Variants in SH3GL3 observed in about 807,000 individuals in gnomAD.
SH3GL3 encodes the protein endophilin-A3.
SH3GL3 carries 33 observed loss-of-function variants against 47.7 expected under a neutral mutation model. The observed-to-expected ratio is 0.69, with a 90% CI of 0.52 to 0.92. SH3GL3 has a LOEUF of 0.92. Among genes scored for constraint, SH3GL3 ranks in the 40% least tolerant of loss-of-function variants. The probability of loss-of-function intolerance (pLI) is 0.00; values close to 1 mark genes in which losing one functional copy is unlikely to be tolerated. For missense variants in SH3GL3, 363 were observed against 417.8 expected (o/e 0.87, Z 1.14); for synonymous variants, 155 against 148.8 (o/e 1.04, Z -0.30).
chr15:83,517,118 G>T (rs1380830559), intron 1 of SH3GL3, among the ~76,000 whole-genome samples: 1 of 151,790 alleles, frequency 6.6e-6, no homozygotes, highest in Non-Finnish European at 1.5e-5. Context: ...TCTAAAAATA[G>T]AATTGATGTG....
intron 7 of SH3GL3, among the ~76,000 whole-genome samples, chr15:83,588,383 C>T (rs2151806788): frequency 6.6e-6 from 1 of 152,312 alleles, no homozygotes; most frequent in Non-Finnish European, 1.5e-5. Context: ...ACCTTGGCCT[C>T]CCAAAGTGCT....
intron 1 of SH3GL3, among the ~76,000 whole-genome samples, chr15:83,537,275 A>G (rs1041754859): frequency 1.3e-4 from 20 of 152,180 alleles, no homozygotes; most frequent in African/African-American, 4.8e-4. Flanking sequence ...TGGGGCCATC[A>G]GCAAAGTCCA....
At chr15:83,450,296 AT>A (rs1378496403) in intron 1 of SH3GL3, among the ~76,000 whole-genome samples, 1 of 152,260 alleles carries the variant, frequency 6.6e-6, no homozygotes, top group East Asian at 1.9e-4. Flanking sequence ...TGATACGAAT[AT>A]GTCTCTGTGT....
intron 1 of SH3GL3, among the ~76,000 whole-genome samples, chr15:83,497,511 CTCTTA>C (rs1001998610): frequency 1.3e-5 from 2 of 152,106 alleles, no homozygotes; most frequent in African/African-American, 4.8e-5. Context: ...ATTTTTTTGT[CTCTTA>C]TCTTTATTCC....
At chr15:83,500,687 C>G (rs1203242085) in intron 1 of SH3GL3, among the ~76,000 whole-genome samples, 2 of 152,210 alleles carry the variant, frequency 1.3e-5, no homozygotes, top group Non-Finnish European at 2.9e-5. Context: ...CCCTTCCTTT[C>G]TCCCTTCCAG....
At chr15:83,622,325 T>C (rs1222979742), downstream of SH3GL3, among the ~76,000 whole-genome samples, 3 of 152,224 alleles carry the variant, frequency 2.0e-5, no homozygotes, top group East Asian at 3.8e-4. Flanking sequence ...TGTTCATGTA[T>C]ATTCACAAAG....
intron 6 of SH3GL3, among the ~76,000 whole-genome samples, chr15:83,584,182 A>G (rs548824963): frequency 1.3e-4 from 20 of 152,248 alleles, no homozygotes; most frequent in African/African-American, 4.8e-4. Context: ...TTCTTGGCTC[A>G]TTCTTCGCTT....
chr15:83,448,188 C>T lies in SH3GL3; in HGVS notation c.45+610C>T, dbSNP rs952951338. Among the ~76,000 whole-genome samples the T allele has an allele frequency of 6.6e-6, 1 of 152,218 alleles. No homozygotes were observed. Among genetic ancestry groups the T allele is most frequent in the African/African-American group, 2.4e-5 (1 of 41,454 alleles). ...CGGCCCGGGGCTGGGCATCACGCTT[C>T]TGCTCTTACAGAGCTGACAGCCTGC... On this transcript the variant is annotated intron_variant, in intron 1 of 8. Coordinates refer to ENST00000427482, the MANE Select transcript of SH3GL3 (RefSeq NM_003027.5). The surrounding 1 kb of genome is among the most constrained non-coding windows in gnomAD (Gnocchi z 4.2).
At chr15:83,541,925 T>C (rs190104386) in intron 1 of SH3GL3, among the ~76,000 whole-genome samples, 1 of 152,356 alleles carries the variant, frequency 6.6e-6, no homozygotes, top group African/African-American at 2.4e-5. Flanking sequence ...GTCTTTTGAC[T>C]TTGTTGATGT....
chr15:83,558,318 C>T (rs2045065812), intron 1 of SH3GL3, among the ~76,000 whole-genome samples: 1 of 152,096 alleles, frequency 6.6e-6, no homozygotes, highest in Admixed American at 6.5e-5. Context: ...TTTGAGAATC[C>T]CTGTGCTCTG....
intron 1 of SH3GL3, among the ~76,000 whole-genome samples, chr15:83,541,460 A>T (rs2044165345): frequency 6.6e-6 from 1 of 150,684 alleles, no homozygotes; most frequent in African/African-American, 2.4e-5. Flanking sequence ...CAGCCTCCCG[A>T]GTAGCTGGGA....
At chr15:83,607,253 A>G (rs534062861) in intron 8 of SH3GL3, among the ~76,000 whole-genome samples, 48 of 152,292 alleles carry the variant, frequency 3.2e-4, no homozygotes, top group African/African-American at 1.1e-3. Context: ...CCATCATCTA[A>G]ATATTAATTT....
chr15:83,453,786 G>GT (rs558486003), intron 1 of SH3GL3, among the ~76,000 whole-genome samples: 113 of 24,880 alleles, frequency 4.5e-3, no homozygotes, highest in South Asian at 0.023. Flanking sequence ...TTTTTGAAGG[G>GT]TTTTTTGTGT....
intron 1 of SH3GL3, among the ~76,000 whole-genome samples, chr15:83,543,339 T>C (rs1435761575): frequency 6.6e-6 from 1 of 152,170 alleles, no homozygotes; most frequent in Non-Finnish European, 1.5e-5. Flanking sequence ...TACTTGGTCA[T>C]GATGAATAAT....
chr15:83,621,682 A>G (rs889230335), downstream of SH3GL3, among the ~76,000 whole-genome samples: 4 of 152,248 alleles, frequency 2.6e-5, no homozygotes, highest in African/African-American at 9.6e-5. Flanking sequence ...GGTTACCGCA[A>G]ACCTTCGAAG....
intron 1 of SH3GL3, among the ~76,000 whole-genome samples, chr15:83,549,389 A>G (rs2044554055): frequency 6.6e-6 from 1 of 152,180 alleles, no homozygotes; most frequent in African/African-American, 2.4e-5. Flanking sequence ...TCTGGCGGAT[A>G]ATGAGGGTAA....
rs572697359 is a variant in SH3GL3 at position 83,602,800 on chromosome 15, G to A, written c.838+14029G>A. 2.6e-5 allele frequency among the ~76,000 whole-genome samples: 4 copies of A among 152,190 alleles called. No homozygotes were observed. In the South Asian group the frequency reaches 8.3e-4, roughly 32 times the overall value. On this transcript the variant is annotated intron_variant, in intron 8 of 8. Transcript: ENST00000427482. Reference sequence around the variant, plus strand: ...TTCTGCTCTCTGGATTTTGGATCAGGGAGACTCTTTTGTCTTTTATTCTGT... The same window carrying A: ...TTCTGCTCTCTGGATTTTGGATCAGAGAGACTCTTTTGTCTTTTATTCTGT...
chr15:83,538,181 CAG>C (rs2044005052), intron 1 of SH3GL3, among the ~76,000 whole-genome samples: 1 of 152,082 alleles, frequency 6.6e-6, no homozygotes, highest in Non-Finnish European at 1.5e-5. Flanking sequence ...TTCTGCTAAA[CAG>C]AGACTTCCAG....
intron 1 of SH3GL3, among the ~76,000 whole-genome samples, chr15:83,523,359 T>C (rs1449949372): frequency 1.3e-5 from 2 of 152,196 alleles, no homozygotes; most frequent in Non-Finnish European, 2.9e-5. Flanking sequence ...GGCAGAGTTC[T>C]GTGGGAGAGT....
Sources: gnomAD v4.1 joint callset for allele counts (sites outside exome capture counted in the v4.1 genomes callset) on GRCh38, gnomAD v4.1.1 for gene constraint, Gnocchi (gnomAD v3.1) non-coding constraint, MANE v1.5 for transcripts, NCBI Gene and HGNC (gene_info 2026-07-23, HGNC 2026-07-21) for gene names.